The following ATP2A2 variants were observed in gnomAD, a reference collection of about 807,000 sequenced individuals.
The protein encoded by ATP2A2 is ATPase sarcoplasmic/endoplasmic reticulum Ca2+ transporting 2, also known as sarcoplasmic/endoplasmic reticulum calcium ATPase 2.
ATP2A2 carries 14 observed loss-of-function variants against 109.3 expected under a neutral mutation model. That is an observed-to-expected ratio of 0.13 (90% CI 0.08 to 0.20). The LOEUF (loss-of-function observed/expected upper bound fraction) is 0.20, where lower values mean the gene tolerates loss of function less well. Ranked by LOEUF, ATP2A2 falls within the 10% of genes least tolerant of loss-of-function variation. The pLI is 1.00. For missense variants in ATP2A2, 657 were observed against 1,321.6 expected (o/e 0.50, Z 7.80); for synonymous variants, 506 against 490.9 (o/e 1.03, Z -0.41).
At chr12:110,283,708 C>T (rs950876520) in intron 3 of ATP2A2, among the ~76,000 whole-genome samples, 2 of 152,108 alleles carry the variant, frequency 1.3e-5, no homozygotes, top group African/African-American at 4.8e-5. Context: ...GTTATTCTTA[C>T]AAAAACCACG....
intron 9 of ATP2A2, among the ~76,000 whole-genome samples, 184 bp from the exon 10 acceptor site, chr12:110,332,997 A>G (rs983266167): frequency 6.6e-6 from 1 of 152,140 alleles, no homozygotes; most frequent in African/African-American, 2.4e-5. Flanking sequence ...CTGATACCAG[A>G]GATGCATTCT....
Position 110,350,397 on chromosome 12 carries a change from T to A in ATP2A2, c.*3927T>A, listed in dbSNP as rs991629167. ...CACATCTACCAACCCTGTGCATGACTGATGTTGGGGAAAAAGAAAAGTAAA... is the reference window on the plus strand; with the variant it reads ...CACATCTACCAACCCTGTGCATGACAGATGTTGGGGAAAAAGAAAAGTAAA... On this transcript the variant is annotated 3_prime_UTR_variant, in exon 20 of 20. Transcript: ENST00000539276. 46 of 1,599,070 alleles carry A rather than the reference T, an allele frequency of 2.9e-5. No individual in the cohort carries two copies. The highest frequency in any genetic ancestry group is 7.8e-5 in the South Asian group (7 of 90,202).
At chr12:110,314,630 CAG>C (rs1440260776) in intron 5 of ATP2A2, among the ~76,000 whole-genome samples, 1 of 152,134 alleles carries the variant, frequency 6.6e-6, no homozygotes, top group South Asian at 2.1e-4. Context: ...CATCTATAAA[CAG>C]GGAGGGAGTA....
In ATP2A2 at chr12:110,281,330, G is replaced by A; in HGVS notation, c.-460G>A. 1 of 151,878 alleles carries A rather than the reference G, an allele frequency of 6.6e-6. No homozygotes were observed. Among genetic ancestry groups the A allele is most frequent in the Non-Finnish European group, 1.5e-5 (1 of 67,988 alleles). The allele number at this position is 151,878 out of a possible 1,614,324, so 9.4% of individuals were successfully genotyped here. On this transcript the variant is annotated 5_prime_UTR_variant, in exon 1 of 20. Coordinates refer to ENST00000539276, the MANE Select transcript of ATP2A2 (RefSeq NM_170665.4). ...TTCCTCCGCCGCTGTCGGGCGTGCGGCGCTGAGGGACCCGGGCGAGCGCGC... is the reference window on the plus strand; with the variant it reads ...TTCCTCCGCCGCTGTCGGGCGTGCGACGCTGAGGGACCCGGGCGAGCGCGC...
At chr12:110,345,803 C>G (rs1879791035) in intron 18 of ATP2A2, 198 bp from the exon 19 acceptor site, 2 of 669,706 alleles carry the variant, frequency 3.0e-6, no homozygotes, top group African/African-American at 3.5e-5. Context: ...TATGCCAAAA[C>G]ATAGATACAG....
chr12:110,282,858 A>G, intron 3 of ATP2A2, 63 bp downstream of exon 3: 4 of 1,375,638 alleles, frequency 2.9e-6, no homozygotes, highest in Non-Finnish European at 4.1e-6. Flanking sequence ...TAGATAAATC[A>G]GAAAACAAAT....
chr12:110,301,718 C>T (rs1874665713), intron 5 of ATP2A2, among the ~76,000 whole-genome samples: 1 of 152,216 alleles, frequency 6.6e-6, no homozygotes, highest in Non-Finnish European at 1.5e-5. Flanking sequence ...CCTTAAGGGA[C>T]TTCCCCATTG....
chr12:110,347,235 A>G lies in ATP2A2; in HGVS notation c.*765A>G. On this transcript the variant is annotated 3_prime_UTR_variant, in exon 20 of 20. Transcript: ENST00000539276. The stretch of plus-strand genomic sequence containing the variant: ...TTAAATGTCTAATGTATTTTATTGT[A>G]ACAGACATTGTTTTGCCAACATTGC... 8.3e-7 allele frequency: 1 copy of G among 1,210,488 alleles called. No homozygotes were observed. Among genetic ancestry groups the G allele is most frequent in the Non-Finnish European group, 1.1e-6 (1 of 952,218 alleles). 75.0% of individuals were successfully genotyped at this position (1,210,488 alleles called of 1,614,324 possible).
intron 7 of ATP2A2, 62 bp downstream of exon 7, chr12:110,326,537 T>C (rs947687550): frequency 8.6e-6 from 12 of 1,398,948 alleles, no homozygotes; most frequent in Middle Eastern, 3.5e-4. Context: ...TCAAATGTTA[T>C]GTTTTTCACT....
intron 5 of ATP2A2, among the ~76,000 whole-genome samples, chr12:110,301,344 C>G (rs906376780): frequency 2.0e-5 from 3 of 152,236 alleles, no homozygotes; most frequent in African/African-American, 7.2e-5. Flanking sequence ...GCCAGCTTCT[C>G]TTCAGTTGGT....
chr12:110,312,935 A>G (rs1482207679), intron 5 of ATP2A2, among the ~76,000 whole-genome samples: 1 of 152,158 alleles, frequency 6.6e-6, no homozygotes, highest in Non-Finnish European at 1.5e-5. Context: ...CTCTGTTTCC[A>G]AAGCCAAGGT....
chr12:110,322,877 T>G, intron 5 of ATP2A2, 115 bp from the exon 6 acceptor site: 1 of 789,048 alleles, frequency 1.3e-6, no homozygotes, highest in East Asian at 2.6e-5. Flanking sequence ...TATGTATTTG[T>G]GTTATATGCA....
rs1879236373 is a variant in ATP2A2, at chr12:110,340,469, C to T, written c.1762-190C>T. On this transcript the variant is annotated intron_variant, in intron 13 of 19. Transcript: ENST00000539276. The surrounding 1 kb of genome is among the most constrained non-coding windows in gnomAD (Gnocchi z 6.0). ...AGAAGAGTCTCTTGAACCTGGGAGGCGGAGGTCGCAGTGAGCTGAGATTGC... is the reference window on the plus strand; with the variant it reads ...AGAAGAGTCTCTTGAACCTGGGAGGTGGAGGTCGCAGTGAGCTGAGATTGC... Among the ~76,000 whole-genome samples the T allele has an allele frequency of 1.3e-5, 2 of 149,890 alleles. No individual in the cohort carries two copies. Among genetic ancestry groups the T allele is most frequent in the African/African-American group, 2.5e-5 (1 of 40,618 alleles).
At chr12:110,336,190 C>T (rs1878829491) in intron 11 of ATP2A2, among the ~76,000 whole-genome samples, 1 of 152,136 alleles carries the variant, frequency 6.6e-6, no homozygotes, top group Non-Finnish European at 1.5e-5. Context: ...CTTTTGCAGC[C>T]TCTTTATAGG....
chr12:110,282,906 C>T, intron 3 of ATP2A2, 111 bp downstream of exon 3: 1 of 951,014 alleles, frequency 1.1e-6, no homozygotes. Context: ...GAGTTGCAAG[C>T]TGTGTCTCTA....
chr12:110,320,824 AC>A (rs1566224364), intron 5 of ATP2A2, among the ~76,000 whole-genome samples: 4 of 152,216 alleles, frequency 2.6e-5, no homozygotes, highest in Non-Finnish European at 5.9e-5. Flanking sequence ...CACATTGCTT[AC>A]TTAGGCTATA....
intron 6 of ATP2A2, among the ~76,000 whole-genome samples, chr12:110,323,814 C>T (rs528500452): frequency 1.3e-5 from 2 of 152,288 alleles, no homozygotes; most frequent in South Asian, 2.1e-4. Flanking sequence ...GTAATTTGTT[C>T]GTTACCATAG....
At chr12:110,343,550 A>G in intron 16 of ATP2A2, 116 bp downstream of exon 16, 1 of 1,181,676 alleles carries the variant, frequency 8.5e-7, no homozygotes, top group Non-Finnish European at 1.2e-6. Flanking sequence ...AGGGTAGCAA[A>G]AGACAGAGAT....
At position 110,288,725 on chromosome 12, in the gene ATP2A2, A is replaced by G. The variant is rs3026448; in HGVS notation, c.220-3295A>G. ...TGGCTTGAAACAGATAATTCTTTAT[A>G]TTCAACCTGTTGTCAAAATTTTTAG... On this transcript the variant is annotated intron_variant, in intron 3 of 19. Transcript: ENST00000539276. Among the ~76,000 whole-genome samples, 131 of 152,318 alleles carry G rather than the reference A, an allele frequency of 8.6e-4. 1 individual carries two copies. In the East Asian group the frequency reaches 0.024, roughly 28 times the overall value.
Sources: gnomAD v4.1 joint callset for allele counts (sites outside exome capture counted in the v4.1 genomes callset) on GRCh38, gnomAD v4.1.1 for gene constraint, Gnocchi (gnomAD v3.1) non-coding constraint, MANE v1.5 for transcripts, NCBI Gene and HGNC (gene_info 2026-07-23, HGNC 2026-07-21) for gene names.